Variants in BCAS3 observed in about 807,000 individuals in gnomAD.
BCAS3 encodes the protein BCAS4/BCAS3 fusion.
Under a neutral mutation model 116.1 loss-of-function variants are expected in BCAS3, and 53 were observed. The observed-to-expected ratio is 0.46, with a 90% CI of 0.37 to 0.57. The LOEUF (loss-of-function observed/expected upper bound fraction) is 0.57. BCAS3 is among the 20% of genes least tolerant of loss of function. The pLI is 0.00. For missense variants in BCAS3, 917 were observed against 1,165.4 expected, an observed-to-expected ratio of 0.79 and a Z score of 3.10; for synonymous variants, 391 against 408.2, an observed-to-expected ratio of 0.96 and a Z score of 0.51.
In BCAS3 at chr17:61,124,968, C is replaced by T. The variant is rs1328762702; in HGVS notation, c.2425+40404C>T. ...GAGTGGGGAGATGTAAGACAAATTC[C>T]CTTTTCTTTCTTCACTTATAAATAA... On this transcript the variant is annotated intron_variant, in intron 22 of 23. Coordinates refer to ENST00000407086, the MANE Select transcript of BCAS3 (RefSeq NM_017679.5). The surrounding 1 kb of genome is among the most constrained non-coding windows in gnomAD (Gnocchi z 4.6). Among the ~76,000 whole-genome samples, 17 of 152,128 alleles carry T rather than the reference C, an allele frequency of 1.1e-4. No homozygotes were observed. Among genetic ancestry groups the T allele is most frequent in the Non-Finnish European group, 1.5e-5 (1 of 68,010 alleles).
intron 6 of BCAS3, among the ~76,000 whole-genome samples, chr17:60,802,294 AAAT>A (rs1191787073): frequency 0.027 from 3,707 of 138,986 alleles, 150 homozygotes; most frequent in African/African-American, 0.11. Context: ...AAAAAAAAAA[AAAT>A]ATATATATAT....
Position 61,227,550 on chromosome 17 carries a change from A to T in BCAS3, c.2426-140777A>T, listed in dbSNP as rs1321055895. Among the ~76,000 whole-genome samples, 1 of 152,238 alleles carries T rather than the reference A, an allele frequency of 6.6e-6. No individual in the cohort carries two copies. Among genetic ancestry groups the T allele is most frequent in the Non-Finnish European group, 1.5e-5 (1 of 68,050 alleles). ...TGAATGAAGTGAAATGACCAGGTAG[A>T]CAGTAGAACCAGGCCTGTGTGCTGG... On this transcript the variant is annotated intron_variant, in intron 22 of 23. Coordinates refer to ENST00000407086, the MANE Select transcript of BCAS3 (RefSeq NM_017679.5). This position sits in a 1 kb window ranked among gnomAD's most constrained non-coding sequence, Gnocchi z 6.1.
At chr17:60,811,881 C>T (rs8081128) in intron 7 of BCAS3, among the ~76,000 whole-genome samples, 35,883 of 151,052 alleles carry the variant, frequency 0.24, 7,798 homozygotes, top group African/African-American at 0.59. Context: ...AACCCTGTCT[C>T]TACCAAAAAA....
intron 6 of BCAS3, among the ~76,000 whole-genome samples, chr17:60,803,479 A>ATCAG (rs2047994558): frequency 6.6e-6 from 1 of 152,202 alleles, no homozygotes; most frequent in African/African-American, 2.4e-5. Context: ...TAAGTCAGTC[A>ATCAG]TCAGTCATCT....
In BCAS3 at chr17:61,298,791, A is replaced by ATTATTTATTTAT. The variant is rs144760223; in HGVS notation, c.2426-69514_2426-69503dup. ...TTCCAGTTCAAAGTAGTCACATGCC[A>ATTATTTATTTAT]TTATTTATTTATTTATTTATTTATT... is the stretch of plus-strand genomic sequence containing the variant. On this transcript the variant is annotated intron_variant, in intron 22 of 23. Transcript: ENST00000407086. 3.6e-4 allele frequency among the ~76,000 whole-genome samples: 52 copies of ATTATTTATTTAT among 145,452 alleles called. 1 individual carries two copies. The highest frequency in any genetic ancestry group is 7.4e-3 in the Middle Eastern group (2 of 272).
Position 61,034,915 on chromosome 17 carries a change from T to A in BCAS3, c.1762+125T>A. 4.7e-6 allele frequency: 4 copies of A among 847,796 alleles called. No individual in the cohort carries two copies. In the South Asian group the frequency reaches 7.5e-5, roughly 16 times the overall value. The allele number at this position is 847,796 out of a possible 1,614,324, so 52.5% of individuals were successfully genotyped here. On this transcript the variant is annotated intron_variant, in intron 17 of 23. Transcript: ENST00000407086. The surrounding 1 kb of genome is among the most constrained non-coding windows in gnomAD (Gnocchi z 5.0). ...CTGGAAACCAATTTTTTTAATGTAA[T>A]TAGCATGTCACTTCTCAACTACTCA...
At chr17:60,822,531 C>T (rs1156379828) in intron 7 of BCAS3, among the ~76,000 whole-genome samples, 1 of 152,154 alleles carries the variant, frequency 6.6e-6, no homozygotes, top group Admixed American at 6.5e-5. Flanking sequence ...TCTGGCATAA[C>T]AGTTTTTGCA....
intron 22 of BCAS3, among the ~76,000 whole-genome samples, chr17:61,086,191 C>G (rs2073077349): frequency 6.6e-6 from 1 of 152,212 alleles, no homozygotes; most frequent in East Asian, 1.9e-4. Context: ...CAGGTTCAAG[C>G]AATTCTCCTA....
At chr17:60,857,901 G>T (rs987011392) in intron 7 of BCAS3, among the ~76,000 whole-genome samples, 1 of 151,934 alleles carries the variant, frequency 6.6e-6, no homozygotes, top group Admixed American at 6.6e-5. Flanking sequence ...CTGAGCTTTC[G>T]TAACATTTGT....
chr17:60,772,274 T>A (rs1041728242), intron 6 of BCAS3, among the ~76,000 whole-genome samples: 2 of 152,058 alleles, frequency 1.3e-5, no homozygotes, highest in East Asian at 1.9e-4. Context: ...GGTATCTCAT[T>A]GTGGTTTTGA....
At chr17:60,925,832 A>G (rs1236007078) in intron 13 of BCAS3, among the ~76,000 whole-genome samples, 1 of 148,154 alleles carries the variant, frequency 6.7e-6, no homozygotes, top group East Asian at 1.9e-4. Flanking sequence ...TGGGACTAGA[A>G]GTCTTTCTGA....
intron 10 of BCAS3, among the ~76,000 whole-genome samples, chr17:60,898,875 G>A (rs1228760131): frequency 6.6e-6 from 1 of 152,164 alleles, no homozygotes; most frequent in East Asian, 1.9e-4. Context: ...GTAGTCTCCA[G>A]GCCTGTGGTT....
chr17:60,988,450 T>A (rs921548364), intron 14 of BCAS3, among the ~76,000 whole-genome samples: 2 of 151,286 alleles, frequency 1.3e-5, no homozygotes, highest in Non-Finnish European at 3.0e-5. Flanking sequence ...TTCTCAATAG[T>A]TGGAGTAGGA....
At position 61,085,738 on chromosome 17, in the gene BCAS3, A is replaced by G. The variant is rs558169109; in HGVS notation, c.2425+1174A>G. 7.6e-4 allele frequency among the ~76,000 whole-genome samples: 116 copies of G among 152,272 alleles called. 1 individual carries two copies. The highest frequency in any genetic ancestry group is 1.3e-3 in the Admixed American group (20 of 15,298). On this transcript the variant is annotated intron_variant, in intron 22 of 23. Transcript: ENST00000407086. Reference sequence around the variant, plus strand: ...GAGCATGGAAATGTGTAGAGTCGCTATCATTGCTTCCCGGCACTGAATGAG... The same window carrying G: ...GAGCATGGAAATGTGTAGAGTCGCTGTCATTGCTTCCCGGCACTGAATGAG...
intron 22 of BCAS3, chr17:61,086,803 A>T (rs1043041347): frequency 1.0e-6 from 1 of 985,304 alleles, no homozygotes; most frequent in African/African-American, 1.7e-5. Flanking sequence ...AGCCTCATAG[A>T]TAAGGAATTG....
chr17:61,286,364 G>A lies in BCAS3; in HGVS notation c.2426-81963G>A, dbSNP rs1279780086. 6.6e-6 allele frequency among the ~76,000 whole-genome samples: 1 copy of A among 152,164 alleles called. No individual in the cohort carries two copies. The highest frequency in any genetic ancestry group is 1.5e-5 in the Non-Finnish European group (1 of 68,024). ...TTGCTGGGTTTATACTGATGTCTGC[G>A]CCCACTCCTGTGCTGGTGAAGTCTG... On this transcript the variant is annotated intron_variant, in intron 22 of 23. Coordinates refer to ENST00000407086, the MANE Select transcript of BCAS3 (RefSeq NM_017679.5). This position sits in a 1 kb window ranked among gnomAD's most constrained non-coding sequence, Gnocchi z 4.8.
chr17:61,234,198 T>C (rs1007531233), intron 22 of BCAS3, among the ~76,000 whole-genome samples: 17 of 152,162 alleles, frequency 1.1e-4, no homozygotes, highest in Admixed American at 6.5e-5. Flanking sequence ...AAGTAAATGA[T>C]AAATCTGCAA....
At chr17:60,804,840 A>G (rs2048124202) in intron 6 of BCAS3, among the ~76,000 whole-genome samples, 1 of 152,156 alleles carries the variant, frequency 6.6e-6, no homozygotes, top group Admixed American at 6.5e-5. Flanking sequence ...ATAAGTGTCA[A>G]TATATGTAGT....
rs1368799251 is a variant in BCAS3 at position 61,077,176 on chromosome 17, G to GT, written c.2131-1152dup. The stretch of plus-strand genomic sequence containing the variant: ...AATCATGTAATATATATATTTTCAG[G>GT]TTTTTCCAAGTGTCTTCTACCCACT... On this transcript the variant is annotated intron_variant, in intron 20 of 23. Coordinates refer to ENST00000407086, the MANE Select transcript of BCAS3 (RefSeq NM_017679.5). The surrounding 1 kb of genome is among the most constrained non-coding windows in gnomAD (Gnocchi z 4.3). Among the ~76,000 whole-genome samples the GT allele has an allele frequency of 2.0e-5, 3 of 151,878 alleles. No homozygotes were observed. The highest frequency in any genetic ancestry group is 7.3e-5 in the African/African-American group (3 of 41,358).
Sources: allele counts gnomAD v4.1 joint callset (sites outside exome capture counted in the v4.1 genomes callset), GRCh38; gene constraint gnomAD v4.1.1; non-coding constraint Gnocchi (gnomAD v3.1); transcripts MANE v1.5; gene names NCBI Gene and HGNC (gene_info 2026-07-23, HGNC 2026-07-21).